IDO2: variants seen among roughly 807,000 people sequenced by gnomAD.
IDO2 encodes the protein indoleamine 2,3-dioxygenase 2.
IDO2 carries 46 observed loss-of-function variants against 45.1 expected under a neutral mutation model. The ratio of observed to expected loss-of-function variants is 1.02; its 90% confidence interval spans 0.80 to 1.30. IDO2 has a LOEUF of 1.30. IDO2 is among the 50% of genes most tolerant of loss of function. The pLI is 0.00. For missense variants in IDO2, 544 were observed against 491.8 expected, an observed-to-expected ratio of 1.11 and a Z score of -1.00; for synonymous variants, 218 against 184.9, an observed-to-expected ratio of 1.18 and a Z score of -1.45.
At chr8:39,996,837 C>G (rs1242486989) in intron 8 of IDO2, among the ~76,000 whole-genome samples, 1 of 152,048 alleles carries the variant, frequency 6.6e-6, no homozygotes, top group East Asian at 1.9e-4. Flanking sequence ...AAATGAATTC[C>G]AACACTCTTA....
chr8:39,961,264 G>A (rs142404546), intron 2 of IDO2, among the ~76,000 whole-genome samples: 2,128 of 148,390 alleles, frequency 0.014, 63 homozygotes, highest in African/African-American at 0.05. Flanking sequence ...ACACTCTTGT[G>A]GTTTTAACCA....
At chr8:40,008,102 A>G (rs1802250215) in intron 9 of IDO2, among the ~76,000 whole-genome samples, 1 of 141,274 alleles carries the variant, frequency 7.1e-6, no homozygotes, top group African/African-American at 2.7e-5. Flanking sequence ...GCTGGGGTGC[A>G]GTGGCACGAT....
chr8:39,947,171 C>CAAAAAAAAAAAAAAAAAAA (rs55785952), intron 1 of IDO2, among the ~76,000 whole-genome samples: 2 of 80,040 alleles, frequency 2.5e-5, no homozygotes, highest in Non-Finnish European at 4.5e-5. Flanking sequence ...GCTAAGGTAT[C>CAAAAAAAAAAAAAAAAAAA]AAAAAAAAAA....
intron 3 of IDO2, among the ~76,000 whole-genome samples, chr8:39,975,172 T>G (rs199886822): frequency 0.062 from 410 of 6,584 alleles, no homozygotes; most frequent in Middle Eastern, 0.2. Context: ...TTTTTTTTTG[T>G]TTTTTTTTTT....
intron 3 of IDO2, among the ~76,000 whole-genome samples, chr8:39,974,804 C>T (rs1263388074): frequency 1.3e-5 from 2 of 152,120 alleles, no homozygotes; most frequent in Non-Finnish European, 2.9e-5. Flanking sequence ...ACCTGTAGTC[C>T]CATCTACTTG....
At chr8:39,959,574 C>T (rs942445836) in intron 2 of IDO2, among the ~76,000 whole-genome samples, 1 of 152,162 alleles carries the variant, frequency 6.6e-6, no homozygotes, top group African/African-American at 2.4e-5. Context: ...GTAATCTTAG[C>T]ACTTTGAGAG....
chr8:39,937,599 T>C (rs1807577787), intron 1 of IDO2, among the ~76,000 whole-genome samples: 1 of 151,916 alleles, frequency 6.6e-6, no homozygotes, highest in African/African-American at 2.4e-5. Flanking sequence ...TAGCTCACTG[T>C]AGCCTTGAAT....
intron 2 of IDO2, among the ~76,000 whole-genome samples, chr8:39,952,217 A>G (rs1341023789): frequency 6.6e-6 from 1 of 152,200 alleles, no homozygotes; most frequent in African/African-American, 2.4e-5. Context: ...AGAGTGTTGC[A>G]AGAGTAGATA....
At chr8:39,939,761 A>G (rs1234765216) in intron 1 of IDO2, among the ~76,000 whole-genome samples, 1 of 151,906 alleles carries the variant, frequency 6.6e-6, no homozygotes, top group Non-Finnish European at 1.5e-5. Context: ...GAAAGGACTT[A>G]AATGTCCCCA....
chr8:39,942,430 G>C (rs185884033), intron 1 of IDO2, among the ~76,000 whole-genome samples: 105 of 152,238 alleles, frequency 6.9e-4, no homozygotes, highest in Non-Finnish European at 1.2e-3. Flanking sequence ...GATCACCAGA[G>C]GTCAGGAGTT....
chr8:39,944,678 G>A (rs79878364), intron 1 of IDO2, among the ~76,000 whole-genome samples: 29,879 of 151,932 alleles, frequency 0.2, 3,183 homozygotes, highest in South Asian at 0.32. Flanking sequence ...CCCTGCACCT[G>A]GAACTGTTTA....
intron 8 of IDO2, among the ~76,000 whole-genome samples, chr8:39,994,089 C>A (rs1801991023): frequency 6.6e-6 from 1 of 151,960 alleles, no homozygotes; most frequent in Non-Finnish European, 1.5e-5. Flanking sequence ...AATATGAGTG[C>A]ATTTTAATAA....
chr8:39,942,690 A>C (rs1807662586), intron 1 of IDO2, among the ~76,000 whole-genome samples: 1 of 152,186 alleles, frequency 6.6e-6, no homozygotes, highest in Non-Finnish European at 1.5e-5. Context: ...AGAGGCATCA[A>C]ATCAGGATTC....
At chr8:39,982,525 G>A (rs1302332952) in intron 4 of IDO2, 127 bp from the exon 5 acceptor site, 6 of 621,306 alleles carry the variant, frequency 9.7e-6, no homozygotes. Context: ...CATCACTCAG[G>A]TAATTCAAGC....
At chr8:39,966,362 A>G (rs1808085860) in intron 3 of IDO2, among the ~76,000 whole-genome samples, 1 of 152,184 alleles carries the variant, frequency 6.6e-6, no homozygotes, top group South Asian at 2.1e-4. Context: ...AAAATACCTA[A>G]CAAATGAAGG....
At chr8:40,009,368 A>G (rs991041681) in intron 9 of IDO2, among the ~76,000 whole-genome samples, 3 of 151,888 alleles carry the variant, frequency 2.0e-5, no homozygotes, top group African/African-American at 7.3e-5. Flanking sequence ...GATATTTCAT[A>G]TGTAGATGAC....
chr8:39,952,520 C>T (rs146355598), intron 2 of IDO2, among the ~76,000 whole-genome samples: 1 of 152,222 alleles, frequency 6.6e-6, no homozygotes, highest in East Asian at 1.9e-4. Flanking sequence ...TTCTATCCCA[C>T]TGTTTCTGTC....
Position 40,015,335 on chromosome 8 carries a change from C to T in IDO2, c.957C>T (p.Asp319=), listed in dbSNP as rs1282111636. 5.0e-6 allele frequency: 8 copies of T among 1,613,846 alleles called. No homozygotes were observed. In the East Asian group the frequency reaches 1.8e-4, roughly 36 times the overall value. ...TCCACTCAGCACCTTCCCTGAGGGACTACATCCTGTCATCTGGACAGGACC... is the reference window on the plus strand; with the variant it reads ...TCCACTCAGCACCTTCCCTGAGGGATTACATCCTGTCATCTGGACAGGACC... Residue 319 remains aspartate, a synonymous_variant, in exon 11 of 11, where the codon GAC becomes GAT. Transcript: ENST00000502986.
At chr8:39,983,828 G>A (rs1337070577) in intron 5 of IDO2, among the ~76,000 whole-genome samples, 3 of 150,628 alleles carry the variant, frequency 2.0e-5, no homozygotes, top group Non-Finnish European at 4.4e-5. Flanking sequence ...TCATGCCATT[G>A]CACTCCAGCC....
Sources: allele counts gnomAD v4.1 joint callset (sites outside exome capture counted in the v4.1 genomes callset), GRCh38; gene constraint gnomAD v4.1.1; transcripts MANE v1.5; gene names NCBI Gene and HGNC (gene_info 2026-07-23, HGNC 2026-07-21).